Variants in INF2 observed in about 807,000 individuals in gnomAD.
INF2 encodes inverted formin-2.
INF2 carries 43 observed loss-of-function variants against 123.5 expected under a neutral mutation model. The ratio of observed to expected loss-of-function variants is 0.35; its 90% CI spans 0.27 to 0.45. The LOEUF (loss-of-function observed/expected upper bound fraction) is 0.45. INF2 is among the 20% of genes least tolerant of loss of function. The pLI is 1.00. For missense variants in INF2, 1,453 were observed against 1,682.7 expected (o/e 0.86, Z 2.39); for synonymous variants, 851 against 745.0 (o/e 1.14, Z -2.32).
intron 4 of INF2, 84 bp downstream of exon 4, chr14:104,703,538 G>A (rs1889632477): frequency 1.8e-5 from 28 of 1,564,658 alleles, no homozygotes; most frequent in Non-Finnish European, 2.3e-5. Flanking sequence ...TGGGGAGGTG[G>A]GAGCGCCACA....
chr14:104,708,531 G>T lies in INF2; in HGVS notation c.1831G>T (p.Ala611Ser), dbSNP rs781371951. The T allele has an allele frequency of 6.2e-7, 1 of 1,612,392 alleles. No homozygotes were observed. Among genetic ancestry groups the T allele is most frequent in the East Asian group, 2.2e-5 (1 of 44,826 alleles). Residue 611 changes from alanine (A) to serine (S), a missense_variant, in exon 9 of 23, where the codon GCC becomes TCC. This residue lies in a region of INF2 where 192 missense variants were observed against 274.4 expected (regional missense o/e 0.70). Transcript: ENST00000392634. ...SIERLFSFPA[A>S]KPKEPTMVAP... is the part of the protein sequence containing the mutation. ...CGAGCGACTATTCTCCTTCCCTGCA[G>T]CCAAGCCCAAGGAGCCCACCATGGT...
Position 104,708,677 on chromosome 14 carries a change from T to C in INF2, c.1894T>C (p.Phe632Leu). ...RARKEPKEITFLDAKKSLNLN... is the reference protein window; with the variant it reads ...RARKEPKEITLLDAKKSLNLN... ...TGGGTGGGGGGTTTTCTAGATCACT[T>C]TCCTCGATGCCAAGAAGAGCCTGAA... Residue 632 changes from phenylalanine (F) to leucine (L), a missense_variant, in exon 10 of 23, where the codon TTC becomes CTC. This residue lies in a region of INF2 where 192 missense variants were observed against 274.4 expected (regional missense o/e 0.70). Coordinates refer to ENST00000392634, the MANE Select transcript of INF2 (RefSeq NM_022489.4). 2 of 1,612,954 alleles carry C rather than the reference T, an allele frequency of 1.2e-6. No homozygotes were observed. Among genetic ancestry groups the C allele is most frequent in the Non-Finnish European group, 1.7e-6 (2 of 1,179,838 alleles).
chr14:104,709,729 C>T (rs1388082444), intron 12 of INF2, 24 bp downstream of exon 12: 2 of 1,599,604 alleles, frequency 1.3e-6, no homozygotes, highest in Non-Finnish European at 1.7e-6. Context: ...CCCTCAGACC[C>T]CAGGGCCTGG....
intron 21 of INF2, 77 bp downstream of exon 21, chr14:104,714,933 G>A (rs1246821019): frequency 1.0e-5 from 14 of 1,401,992 alleles, no homozygotes; most frequent in Non-Finnish European, 1.3e-5. Flanking sequence ...CTTCCCCATT[G>A]GGCACTGCAA....
chr14:104,704,108 G>T (rs1889665310), intron 5 of INF2, 159 bp downstream of exon 5: 1 of 1,485,230 alleles, frequency 6.7e-7, no homozygotes, highest in South Asian at 1.3e-5. Context: ...CAGAAGCCAG[G>T]TCTCAGGCTA....
Position 104,707,728 on chromosome 14 carries a change from G to GC in INF2, c.1466dup (p.Pro490ThrfsTer90). On this transcript the variant is annotated frameshift_variant, in exon 8 of 23. Coordinates refer to ENST00000392634, the MANE Select transcript of INF2 (RefSeq NM_022489.4). LOFTEE classifies it high-confidence loss of function. ...CCCTGCCAGGCTCCTGTGAGTTCCT[G>GC]CCCCCACCACCTCCACCACTCCCGG... 1 of 1,292,108 alleles carries GC rather than the reference G, an allele frequency of 7.7e-7. No homozygotes were observed. Among genetic ancestry groups the GC allele is most frequent in the Admixed American group, 2.1e-5 (1 of 47,456 alleles). The allele number at this position is 1,292,108 out of a possible 1,614,324, so 80.0% of individuals were successfully genotyped here.
intron 1 of INF2, among the ~76,000 whole-genome samples, chr14:104,695,581 C>T (rs796983211): frequency 1.2e-4 from 15 of 120,038 alleles, no homozygotes; most frequent in African/African-American, 3.9e-4. Flanking sequence ...CGCTTGCCGA[C>T]TCTCCTCCCA....
Position 104,717,915 on chromosome 14 carries a change from G to A in INF2, c.*2-880G>A, listed in dbSNP as rs547186044. On this transcript the variant is annotated intron_variant, in intron 22 of 22. Transcript: ENST00000392634. ...TTTTTCCATCACGTGAGTTTTGAAC[G>A]TGCAGTAATCCTTCACTGCCACTGC... Among the ~76,000 whole-genome samples the A allele has an allele frequency of 5.9e-5, 9 of 152,230 alleles. No homozygotes were observed. The South Asian group carries it at 1.9e-3, about 32-fold the overall frequency.
chr14:104,707,726 C>T lies in INF2; in HGVS notation c.1459C>T (p.Leu487=). 1 of 1,329,298 alleles carries T rather than the reference C, an allele frequency of 7.5e-7. No individual in the cohort carries two copies. The highest frequency in any genetic ancestry group is 1.0e-6 in the Non-Finnish European group (1 of 960,520). 82.3% of individuals were successfully genotyped at this position (1,329,298 alleles called of 1,614,324 possible). A position where few individuals can be genotyped will look rare whatever the true frequency, so the allele number is the denominator to read the frequency against. ...PPPLPGSCEF[L]PPPPPPLPGL... ...ACCCCTGCCAGGCTCCTGTGAGTTC[C>T]TGCCCCCACCACCTCCACCACTCCC... The change falls in exon 8 of 23, where the codon CTG becomes TTG. Residue 487 remains leucine (L), a synonymous_variant. Coordinates refer to ENST00000392634, the MANE Select transcript of INF2 (RefSeq NM_022489.4).
At chr14:104,712,065 C>T (rs1303695678) in intron 16 of INF2, among the ~76,000 whole-genome samples, 2 of 152,168 alleles carry the variant, frequency 1.3e-5, no homozygotes, top group South Asian at 2.1e-4. Flanking sequence ...GCAGTGTCAC[C>T]TCCTGGGTCA....
intron 1 of INF2, among the ~76,000 whole-genome samples, chr14:104,683,578 A>G (rs1234447822): frequency 6.6e-6 from 1 of 151,056 alleles, no homozygotes; most frequent in East Asian, 2.0e-4. Flanking sequence ...TCACCATTCC[A>G]TTCATAAATA....
At chr14:104,700,735 C>T in intron 1 of INF2, 1 of 541,770 alleles carries the variant, frequency 1.8e-6, no homozygotes, top group Non-Finnish European at 2.4e-6. Context: ...CCAAGGGTTT[C>T]CGTCTTCCTG....
At chr14:104,689,569 CG>C, upstream of INF2, 2 of 917,740 alleles carry the variant, frequency 2.2e-6, no homozygotes, top group Non-Finnish European at 2.6e-6. Flanking sequence ...CGCTGACGGG[CG>C]GGGCGGCACC....
At chr14:104,708,354 C>A in intron 8 of INF2, 82 bp from the exon 9 acceptor site, 1 of 1,558,216 alleles carries the variant, frequency 6.4e-7, no homozygotes, top group South Asian at 1.2e-5. Context: ...TTTAGACCCT[C>A]TGGGAGGCTC....
At chr14:104,704,562 G>A (rs1193129406) in intron 5 of INF2, 1 of 157,708 alleles carries the variant, frequency 6.3e-6, no homozygotes, top group Non-Finnish European at 1.4e-5. Flanking sequence ...CGCGCGCAAG[G>A]GATCCAGGCT....
chr14:104,716,026 A>T (rs1373423203), intron 22 of INF2: 1 of 448,526 alleles, frequency 2.2e-6, no homozygotes, highest in Admixed American at 2.4e-5. Context: ...AGGTCCGTCC[A>T]CAGGGCTGGA....
At chr14:104,689,587 T>TGCAACCCCCCC, upstream of INF2, 2 of 851,064 alleles carry the variant, frequency 2.3e-6, no homozygotes, top group Non-Finnish European at 2.8e-6. Context: ...CACCTCCTCT[T>TGCAACCCCCCC]CCTCCCGCCC....
intron 5 of INF2, among the ~76,000 whole-genome samples, chr14:104,705,794 G>A (rs368948314): frequency 3.9e-5 from 6 of 152,346 alleles, no homozygotes; most frequent in African/African-American, 1.4e-4. Flanking sequence ...CCAGGGGCGT[G>A]CGGGTGCCTG....
At chr14:104,697,887 C>CGG (rs58831678) in intron 1 of INF2, among the ~76,000 whole-genome samples, 5,222 of 151,876 alleles carry the variant, frequency 0.034, 247 homozygotes, top group African/African-American at 0.1. Context: ...GGTGGACTGC[C>CGG]GGGGGGGGTG....
Sources: gnomAD v4.1 joint callset for allele counts (sites outside exome capture counted in the v4.1 genomes callset) on GRCh38, gnomAD v4.1.1 for gene constraint, gnomAD v4.1.1 regional missense constraint, MANE v1.5 for transcripts, NCBI Gene and HGNC (gene_info 2026-07-23, HGNC 2026-07-21) for gene names.